FRMPD4: variants seen among roughly 807,000 people sequenced by gnomAD.
The protein encoded by FRMPD4 is FERM and PDZ domain-containing protein 4.
FRMPD4 carries 22 observed loss-of-function variants against 94.1 expected under a neutral mutation model. The ratio of observed to expected loss-of-function variants is 0.23; its 90% CI spans 0.17 to 0.33. The LOEUF is 0.33. FRMPD4 is among the 10% of genes least tolerant of loss of function. The probability of loss-of-function intolerance (pLI) is 1.00; values close to 1 mark genes in which losing one functional copy is unlikely to be tolerated. For synonymous variants in FRMPD4, 631 were observed against 548.6 expected, an observed-to-expected ratio of 1.15 and a Z score of -2.10; for missense variants, 1,111 against 1,339.9, an observed-to-expected ratio of 0.83 and a Z score of 2.67.
chrX:11,875,808 C>A (rs1477951230), intron 2 of FRMPD4, among the ~76,000 whole-genome samples: 1 of 110,157 alleles, frequency 9.1e-6, no homozygotes, highest in East Asian at 2.8e-4. Context: ...ATAAGCCCCC[C>A]AGAGGGGACA....
chrX:12,190,341 G>A (rs1189600246), intron 1 of FRMPD4, among the ~76,000 whole-genome samples: 1 of 111,015 alleles, frequency 9.0e-6, no homozygotes, highest in African/African-American at 3.3e-5. Flanking sequence ...GTTATTTTGT[G>A]GATGTTGACA....
At chrX:12,440,061 G>C (rs1485444505) in intron 1 of FRMPD4, among the ~76,000 whole-genome samples, 1 of 111,701 alleles carries the variant, frequency 9.0e-6, no homozygotes, top group East Asian at 2.8e-4. Flanking sequence ...CTATAAAATG[G>C]AAGTAATTAT....
intron 1 of FRMPD4, among the ~76,000 whole-genome samples, chrX:12,316,136 A>C (rs891498955): frequency 9.0e-6 from 1 of 111,272 alleles, no homozygotes; most frequent in African/African-American, 3.3e-5. Flanking sequence ...ATGTGTGTCC[A>C]TTTCCAGATT....
intron 1 of FRMPD4, among the ~76,000 whole-genome samples, chrX:12,476,707 T>G (rs966124021): frequency 9.0e-6 from 1 of 111,541 alleles, no homozygotes; most frequent in Admixed American, 9.5e-5. Flanking sequence ...AACAGACACG[T>G]GAAAAAATGC....
rs1340496915 is a variant in FRMPD4 at position 12,673,233 on chromosome X, A to T, written c.423-1630A>T. 3.6e-5 allele frequency among the ~76,000 whole-genome samples: 4 copies of T among 112,307 alleles called. No homozygotes were observed. In the East Asian group the frequency reaches 1.1e-3, roughly 31 times the overall value. ...ACCACGCTCACACATTCTTTGGTCA[A>T]TGGGGTTATAGAGCATTTCTTATCT... is the stretch of plus-strand genomic sequence containing the variant. On this transcript the variant is annotated intron_variant, in intron 4 of 16. Transcript: ENST00000675598.
chrX:12,498,649 G>A (rs772085997), intron 1 of FRMPD4, 31 bp from the exon 2 acceptor site: 3 of 807,187 alleles, frequency 3.7e-6, no homozygotes, highest in Non-Finnish European at 5.6e-6. Flanking sequence ...GGAGTCAGGT[G>A]TAATGATGCT....
chrX:12,121,614 G>A (rs1415120147), intron 3 of FRMPD4, among the ~76,000 whole-genome samples: 2 of 111,528 alleles, frequency 1.8e-5, no homozygotes, highest in Non-Finnish European at 3.8e-5. Flanking sequence ...TCTTATGGTG[G>A]GTGGTGGTAT....
chrX:12,483,562 G>C (rs2057710388), intron 1 of FRMPD4, among the ~76,000 whole-genome samples: 1 of 112,040 alleles, frequency 8.9e-6, no homozygotes, highest in Non-Finnish European at 1.9e-5. Context: ...TTTGGATATA[G>C]AATGGAGACC....
At chrX:11,840,517 T>A (rs1265207499) in intron 1 of FRMPD4, among the ~76,000 whole-genome samples, 1 of 109,793 alleles carries the variant, frequency 9.1e-6, no homozygotes, top group Non-Finnish European at 1.9e-5. Flanking sequence ...GCATGTCTTC[T>A]TTTCTAATCT....
At chrX:11,919,792 C>T (rs1037122525) in intron 3 of FRMPD4, among the ~76,000 whole-genome samples, 3 of 111,999 alleles carry the variant, frequency 2.7e-5, no homozygotes, top group Admixed American at 9.5e-5. Context: ...CTCCCTTCTC[C>T]TCCTTGCCCC....
At chrX:12,498,118 G>A (rs1250895509) in intron 1 of FRMPD4, among the ~76,000 whole-genome samples, 1 of 111,648 alleles carries the variant, frequency 9.0e-6, no homozygotes, top group Non-Finnish European at 1.9e-5. Context: ...CTTCGGTGGT[G>A]CCAGCCTGGG....
At chrX:12,539,014 A>G (rs780006116) in intron 2 of FRMPD4, among the ~76,000 whole-genome samples, 70 of 112,075 alleles carry the variant, frequency 6.2e-4, no homozygotes, top group African/African-American at 1.8e-3. Flanking sequence ...GTTCAAACCC[A>G]TCGCAAAGAA....
At chrX:11,976,834 A>G (rs1294122718) in intron 3 of FRMPD4, among the ~76,000 whole-genome samples, 1 of 111,919 alleles carries the variant, frequency 8.9e-6, no homozygotes, top group Non-Finnish European at 1.9e-5. Context: ...ATTAGATCTA[A>G]TTCTTTCCTC....
chrX:12,409,978 C>G (rs1239008440), intron 1 of FRMPD4, among the ~76,000 whole-genome samples: 1 of 111,672 alleles, frequency 9.0e-6, no homozygotes, highest in African/African-American at 3.2e-5. Context: ...GAATATCACC[C>G]CTTTTTTCTT....
chrX:12,223,651 A>G (rs1324386628), intron 1 of FRMPD4, among the ~76,000 whole-genome samples: 2 of 112,373 alleles, frequency 1.8e-5, no homozygotes, highest in Non-Finnish European at 3.8e-5. Flanking sequence ...CACAGTGGCT[A>G]TACCATTTTA....
intron 1 of FRMPD4, among the ~76,000 whole-genome samples, chrX:12,486,987 A>AT (rs1214246362): frequency 1.8e-5 from 2 of 112,324 alleles, no homozygotes; most frequent in African/African-American, 6.5e-5. Context: ...CTTGCTATAG[A>AT]TTTTTTATTA....
At chrX:12,667,034 G>A (rs150521527) in intron 4 of FRMPD4, among the ~76,000 whole-genome samples, 56 of 112,586 alleles carry the variant, frequency 5.0e-4, no homozygotes, top group Middle Eastern at 4.6e-3. Flanking sequence ...ACTATGAAGT[G>A]AGAGTTCAAC....
intron 1 of FRMPD4, among the ~76,000 whole-genome samples, chrX:12,400,541 G>C (rs2056596660): frequency 8.9e-6 from 1 of 112,172 alleles, no homozygotes; most frequent in Non-Finnish European, 1.9e-5. Context: ...ACTATAAAGT[G>C]TGATTTTGAA....
chrX:12,389,171 C>T (rs1569257113), intron 1 of FRMPD4, among the ~76,000 whole-genome samples: 1 of 109,377 alleles, frequency 9.1e-6, no homozygotes, highest in Non-Finnish European at 1.9e-5. Context: ...GTGTACTGTA[C>T]ATTTCAAAAT....
Sources: allele counts gnomAD v4.1 joint callset (sites outside exome capture counted in the v4.1 genomes callset), GRCh38; gene constraint gnomAD v4.1.1; transcripts MANE v1.5; gene names NCBI Gene and HGNC (gene_info 2026-07-23, HGNC 2026-07-21).